POC1A: variants seen among roughly 807,000 people sequenced by gnomAD.
The protein encoded by POC1A is POC1 centriolar protein homolog A.
Under a neutral mutation model 47.8 loss-of-function variants are expected in POC1A, and 34 were observed. The observed-to-expected ratio is 0.71, with a 90% CI of 0.54 to 0.95. POC1A has a LOEUF of 0.95. POC1A is among the 40% of genes least tolerant of loss of function. POC1A has a pLI of 0.00. For synonymous variants in POC1A, 177 were observed against 207.6 expected (o/e 0.85, Z 1.27); for missense variants, 466 against 528.3 (o/e 0.88, Z 1.16).
intron 9 of POC1A, among the ~76,000 whole-genome samples, chr3:52,109,682 G>A (rs1004423709): frequency 2.6e-5 from 4 of 152,158 alleles, no homozygotes; most frequent in Admixed American, 2.0e-4. Flanking sequence ...CACTGCCACA[G>A]AGAAAGCCCC....
chr3:52,089,369 C>T (rs1463461406), intron 10 of POC1A, among the ~76,000 whole-genome samples: 1 of 152,174 alleles, frequency 6.6e-6, no homozygotes, highest in Non-Finnish European at 1.5e-5. Context: ...ACAGAACAGA[C>T]AGTGTCTTGA....
At chr3:52,108,488 G>A (rs1034188848) in intron 9 of POC1A, among the ~76,000 whole-genome samples, 11 of 152,140 alleles carry the variant, frequency 7.2e-5, no homozygotes, top group African/African-American at 1.7e-4. Flanking sequence ...TTAAAACCTC[G>A]GAACAAAGGC....
chr3:52,128,491 C>T (rs572472569), intron 7 of POC1A, among the ~76,000 whole-genome samples: 4 of 152,314 alleles, frequency 2.6e-5, no homozygotes, highest in Non-Finnish European at 4.4e-5. Context: ...AAGAGGACCA[C>T]GCAGCCCCTG....
chr3:52,100,386 G>A (rs188721186), intron 9 of POC1A, among the ~76,000 whole-genome samples: 18 of 152,286 alleles, frequency 1.2e-4, no homozygotes, highest in Admixed American at 1.1e-3. Flanking sequence ...TGCTGCCTAG[G>A]ATATATAAAG....
intron 4 of POC1A, 122 bp from the exon 5 acceptor site, chr3:52,147,217 C>A: frequency 1.4e-6 from 1 of 690,224 alleles, no homozygotes; most frequent in Non-Finnish European, 2.6e-6. Flanking sequence ...CACCCGGGGT[C>A]ACATGCCCTG....
chr3:52,107,154 G>A lies in POC1A; in HGVS notation c.982-10442C>T, dbSNP rs971256670. On this transcript the variant is annotated intron_variant, in intron 9 of 10. Coordinates refer to ENST00000296484, the MANE Select transcript of POC1A (RefSeq NM_015426.5). ...AGCAAGAACATGCCTTGGCATGTGCGGTTCCTTCCCTGGAAGGGTTCAGAG... is the reference window on the plus strand; with the variant it reads ...AGCAAGAACATGCCTTGGCATGTGCAGTTCCTTCCCTGGAAGGGTTCAGAG... 2.6e-5 allele frequency among the ~76,000 whole-genome samples: 4 copies of A among 152,222 alleles called. No homozygotes were observed. The South Asian group carries it at 6.2e-4, about 24-fold the overall frequency.
intron 9 of POC1A, among the ~76,000 whole-genome samples, chr3:52,110,568 A>G (rs1357153236): frequency 6.6e-6 from 1 of 152,236 alleles, no homozygotes; most frequent in Non-Finnish European, 1.5e-5. Flanking sequence ...GTTCTTGTGC[A>G]CCCTCTCTGC....
intron 7 of POC1A, among the ~76,000 whole-genome samples, chr3:52,134,546 C>T (rs534746563): frequency 8.5e-5 from 13 of 152,212 alleles, no homozygotes; most frequent in African/African-American, 2.2e-4. Flanking sequence ...GCAGGAGAAT[C>T]GCTTGAACCC....
intron 9 of POC1A, among the ~76,000 whole-genome samples, chr3:52,101,078 C>T (rs1293015254): frequency 6.7e-6 from 1 of 148,592 alleles, no homozygotes; most frequent in Non-Finnish European, 1.5e-5. Context: ...CAGGGCCCAC[C>T]CCAACCCTCA....
rs769522652 is a variant in POC1A, at chr3:52,136,960, C to T, written c.813+1209G>A. Among the ~76,000 whole-genome samples the T allele has an allele frequency of 6.6e-5, 10 of 152,150 alleles. No homozygotes were observed. The South Asian group carries it at 1.0e-3, about 16-fold the overall frequency. The stretch of plus-strand genomic sequence containing the variant: ...TTTGTTTTTTTTAGGGGAGCAGGAG[C>T]GGTAGCAGCATTCACATGATTTTCA... On this transcript the variant is annotated intron_variant, in intron 7 of 10. Transcript: ENST00000296484.
At chr3:52,106,743 G>A (rs1577847248) in intron 9 of POC1A, among the ~76,000 whole-genome samples, 2 of 152,308 alleles carry the variant, frequency 1.3e-5, no homozygotes, top group East Asian at 3.9e-4. Context: ...GGGCATGTAG[G>A]AGATGCTGTA....
Position 52,149,818 on chromosome 3 carries a change from A to G in POC1A, c.273T>C (p.Asn91=), listed in dbSNP as rs1698494069. The G allele has an allele frequency of 1.2e-6, 2 of 1,613,008 alleles. No homozygotes were observed. The highest frequency in any genetic ancestry group is 1.7e-6 in the Non-Finnish European group (2 of 1,179,528). Residue 91 remains asparagine (N), a splice_region_variant and synonymous_variant, in exon 3 of 11, where the codon AAT becomes AAC. Coordinates refer to ENST00000296484, the MANE Select transcript of POC1A (RefSeq NM_015426.5). ...RDKTVRIWVP[N]VKGESTVFRA... is the part of the protein sequence containing the mutation. ...CCTCCTCAAAGTGTACGACTCACAC[A>G]TTGGGTACCCAGATGCGGACAGTCT...
At chr3:52,095,692 T>C (rs530654290) in intron 10 of POC1A, among the ~76,000 whole-genome samples, 1 of 152,198 alleles carries the variant, frequency 6.6e-6, no homozygotes, top group African/African-American at 2.4e-5. Context: ...AAATCCTGCC[T>C]TGCCCCCCAC....
intron 9 of POC1A, among the ~76,000 whole-genome samples, chr3:52,112,939 A>G (rs1049413811): frequency 5.3e-5 from 8 of 152,186 alleles, no homozygotes; most frequent in African/African-American, 1.9e-4. Context: ...TCACCTAGAA[A>G]TCTGTTAGAA....
rs1421962119 is a variant in POC1A at position 52,149,350 on chromosome 3, T to C, written c.315A>G (p.Thr105=). 1 of 1,614,176 alleles carries C rather than the reference T, an allele frequency of 6.2e-7. No individual in the cohort carries two copies. Among genetic ancestry groups the C allele is most frequent in the East Asian group, 2.2e-5 (1 of 44,886 alleles). The change falls in exon 4 of 11, where the codon ACA becomes ACG. Residue 105 remains threonine, a synonymous_variant. Transcript: ENST00000296484. ...CACTGCAGAAGTGGACACTCCTCAC[T>C]GTGGCTGTGTGTGCACGAAACACAG... ...ESTVFRAHTA[T]VRSVHFCSDG...
intron 9 of POC1A, among the ~76,000 whole-genome samples, chr3:52,097,504 G>A (rs1479580849): frequency 6.6e-6 from 1 of 152,244 alleles, no homozygotes; most frequent in Non-Finnish European, 1.5e-5. Flanking sequence ...GAAGTGCTGT[G>A]CACATGTTCA....
intron 6 of POC1A, among the ~76,000 whole-genome samples, chr3:52,142,823 G>A (rs570523647): frequency 6.6e-6 from 1 of 152,156 alleles, no homozygotes; most frequent in African/African-American, 2.4e-5. Flanking sequence ...CTATGGGGGT[G>A]GGGGAGCCAC....
intron 9 of POC1A, among the ~76,000 whole-genome samples, chr3:52,119,385 T>A (rs1703684987): frequency 6.6e-6 from 1 of 151,276 alleles, no homozygotes; most frequent in Non-Finnish European, 1.5e-5. Context: ...TTTGGCAGCA[T>A]CAGAAGACTT....
chr3:52,140,360 AC>A (rs549977542), intron 6 of POC1A, among the ~76,000 whole-genome samples: 5 of 150,768 alleles, frequency 3.3e-5, no homozygotes, highest in Non-Finnish European at 7.4e-5. Flanking sequence ...GAATTCAGAG[AC>A]CCCCCCACCA....
Sources: gnomAD v4.1 joint callset for allele counts (sites outside exome capture counted in the v4.1 genomes callset) on GRCh38, gnomAD v4.1.1 for gene constraint, MANE v1.5 for transcripts, NCBI Gene and HGNC (gene_info 2026-07-23, HGNC 2026-07-21) for gene names.